The following RASA2 variants were observed in gnomAD, a reference collection of about 807,000 sequenced individuals.
RASA2 encodes the protein RAS p21 protein activator 2.
RASA2 carries 155 observed loss-of-function variants against 118.2 expected under a neutral mutation model. The ratio of observed to expected loss-of-function variants is 1.31; its 90% CI spans 1.15 to 1.50. The LOEUF (loss-of-function observed/expected upper bound fraction) is 1.50. RASA2 is among the 40% of genes most tolerant of loss of function. The probability of loss-of-function intolerance (pLI) is 0.00; values close to 1 mark genes in which losing one functional copy is unlikely to be tolerated. For missense variants in RASA2, 1,016 were observed against 1,009.6 expected, an observed-to-expected ratio of 1.01 and a Z score of -0.09; for synonymous variants, 353 against 349.1, an observed-to-expected ratio of 1.01 and a Z score of -0.12.
At chr3:141,611,748 A>G (rs1331033880) in intron 23 of RASA2, among the ~76,000 whole-genome samples, 1 of 152,146 alleles carries the variant, frequency 6.6e-6, no homozygotes, top group Non-Finnish European at 1.5e-5. Flanking sequence ...ACAAGTATAA[A>G]TATTTATATG....
Position 141,487,137 on chromosome 3 carries a change from G to T in RASA2, c.54G>T (p.Ala18=). 6.9e-7 allele frequency: 1 copy of T among 1,450,024 alleles called. No homozygotes were observed. The allele number at this position is 1,450,024 out of a possible 1,614,324, so 89.8% of individuals were successfully genotyped here. The change falls in exon 1 of 24, where the codon GCG becomes GCT. Residue 18 remains alanine (A), a synonymous_variant. Transcript: ENST00000286364. The part of the protein sequence containing the change: ...AAAASSEAPA[A]SATAEPEAGD... ...CGGCTTCTTCCGAGGCGCCAGCGGC[G>T]AGTGCGACTGCAGAGCCCGAGGCCG...
At position 141,586,775 on chromosome 3, in the gene RASA2, G is replaced by T. The variant is rs907714066; in HGVS notation, c.1933+23G>T. ...CAGGTAGTTGTGTTTATGCTTTATT[G>T]TGGGGTTTTTCCTGGTTCTCAGTGA... is the stretch of plus-strand genomic sequence containing the variant. On this transcript the variant is annotated intron_variant, in intron 19 of 23. Transcript: ENST00000286364. The T allele has an allele frequency of 7.0e-6, 11 of 1,574,210 alleles. No homozygotes were observed. In the South Asian group the frequency reaches 7.8e-5, roughly 11 times the overall value.
At chr3:141,560,375 A>G (rs2082713760) in intron 9 of RASA2, among the ~76,000 whole-genome samples, 2 of 152,170 alleles carry the variant, frequency 1.3e-5, no homozygotes, top group South Asian at 4.1e-4. Flanking sequence ...TGGGTATTTG[A>G]AAGCAAAGGA....
chr3:141,543,660 A>C (rs1034125160), intron 5 of RASA2, among the ~76,000 whole-genome samples: 3 of 152,006 alleles, frequency 2.0e-5, no homozygotes, highest in African/African-American at 7.2e-5. Context: ...TGTAAAAGAT[A>C]ATTATACTAG....
At chr3:141,493,127 T>A (rs1418406413) in intron 1 of RASA2, among the ~76,000 whole-genome samples, 1 of 152,214 alleles carries the variant, frequency 6.6e-6, no homozygotes, top group Non-Finnish European at 1.5e-5. Flanking sequence ...TCCACTATTA[T>A]CAAAGTTCTT....
At chr3:141,594,447 GC>G (rs554813043) in intron 19 of RASA2, among the ~76,000 whole-genome samples, 15 of 151,992 alleles carry the variant, frequency 9.9e-5, no homozygotes, top group Non-Finnish European at 1.9e-4. Context: ...TCAATGAACT[GC>G]AAGCATGATA....
chr3:141,580,886 C>T (rs570919662), intron 16 of RASA2, among the ~76,000 whole-genome samples: 1 of 151,430 alleles, frequency 6.6e-6, no homozygotes, highest in East Asian at 1.9e-4. Context: ...GACAAGAGAG[C>T]CTAGTAAGGA....
chr3:141,562,649 A>C (rs1297096377), intron 9 of RASA2, among the ~76,000 whole-genome samples: 2 of 134,260 alleles, frequency 1.5e-5, no homozygotes, highest in Non-Finnish European at 3.4e-5. Context: ...AACAACAACA[A>C]CACACAAAAA....
At chr3:141,599,247 T>TA (rs2083425280) in intron 19 of RASA2, among the ~76,000 whole-genome samples, 1 of 150,908 alleles carries the variant, frequency 6.6e-6, no homozygotes, top group East Asian at 1.9e-4. Flanking sequence ...TTGGGTTTTT[T>TA]TTTTTTTTTT....
chr3:141,559,931 GT>G lies in RASA2; in HGVS notation c.803del (p.Phe268SerfsTer2). The G allele has an allele frequency of 6.2e-7, 1 of 1,613,272 alleles. No individual in the cohort carries two copies. Among genetic ancestry groups the G allele is most frequent in the Non-Finnish European group, 8.5e-7 (1 of 1,179,454 alleles). ...GAACAATGGAAACCTAGTCCAAGAT[GT>G]TTTCCTAGGTGAGATTAAGGTTCCT... is the stretch of plus-strand genomic sequence containing the variant. ...LWNNGNLVQD[V>X]FLGEIKVPVN... On this transcript the variant is annotated frameshift_variant, in exon 9 of 24. Coordinates refer to ENST00000286364, the MANE Select transcript of RASA2 (RefSeq NM_006506.5). LOFTEE classifies it high-confidence loss of function.
chr3:141,487,164 G>A lies in RASA2; in HGVS notation c.81G>A (p.Gly27=). Residue 27 remains glycine, a synonymous_variant, in exon 1 of 24, where the codon GGG becomes GGA. Coordinates refer to ENST00000286364, the MANE Select transcript of RASA2 (RefSeq NM_006506.5). ...AASATAEPEA[G]DQDSREVRVL... is the part of the protein sequence containing the mutation. ...GTGCGACTGCAGAGCCCGAGGCCGGGGACCAGGACAGTCGCGAGGTTCGAG... is the reference window on the plus strand; with the variant it reads ...GTGCGACTGCAGAGCCCGAGGCCGGAGACCAGGACAGTCGCGAGGTTCGAG... 1 of 1,467,964 alleles carries A rather than the reference G, an allele frequency of 6.8e-7. No individual in the cohort carries two copies. Among genetic ancestry groups the A allele is most frequent in the Non-Finnish European group, 9.1e-7 (1 of 1,101,258 alleles). The allele number at this position is 1,467,964 out of a possible 1,614,324, so 90.9% of individuals were successfully genotyped here.
intron 4 of RASA2, among the ~76,000 whole-genome samples, chr3:141,538,159 T>C (rs2082355908): frequency 6.6e-6 from 1 of 151,824 alleles, no homozygotes; most frequent in South Asian, 2.1e-4. Flanking sequence ...TTCAAATCTA[T>C]TAAATGATTA....
chr3:141,576,843 T>C (rs1473124176), intron 14 of RASA2, among the ~76,000 whole-genome samples, 157 bp from the exon 15 acceptor site: 1 of 152,210 alleles, frequency 6.6e-6, no homozygotes, highest in African/African-American at 2.4e-5. Flanking sequence ...TTTCTTTTAA[T>C]TGAGTCATAA....
At chr3:141,565,122 A>G (rs2082798843) in intron 9 of RASA2, among the ~76,000 whole-genome samples, 1 of 152,134 alleles carries the variant, frequency 6.6e-6, no homozygotes, top group Admixed American at 6.5e-5. Flanking sequence ...AGTAGCTGGG[A>G]CTACAGGCCT....
chr3:141,508,028 A>G (rs1177528882), intron 1 of RASA2, among the ~76,000 whole-genome samples: 2 of 152,278 alleles, frequency 1.3e-5, no homozygotes, highest in African/African-American at 2.4e-5. Flanking sequence ...TAAACGGGCT[A>G]TAGATAAGTT....
intron 11 of RASA2, 33 bp downstream of exon 11, chr3:141,571,587 A>T (rs2082921163): frequency 1.9e-6 from 3 of 1,566,994 alleles, no homozygotes; most frequent in South Asian, 1.2e-5. Context: ...TGTTAATTAC[A>T]TGTTGTTGAA....
chr3:141,498,631 A>G (rs1033124066), intron 1 of RASA2, among the ~76,000 whole-genome samples: 1 of 151,970 alleles, frequency 6.6e-6, no homozygotes, highest in Non-Finnish European at 1.5e-5. Flanking sequence ...TAACTTCTTT[A>G]TGTGTCTAGG....
At chr3:141,511,125 G>T (rs1177552667) in intron 1 of RASA2, among the ~76,000 whole-genome samples, 1 of 152,132 alleles carries the variant, frequency 6.6e-6, no homozygotes, top group Non-Finnish European at 1.5e-5. Context: ...AAGAGACTGG[G>T]TATGGGAGTT....
chr3:141,575,202 T>G (rs149208802), intron 14 of RASA2, among the ~76,000 whole-genome samples: 105 of 152,266 alleles, frequency 6.9e-4, no homozygotes, highest in African/African-American at 2.5e-3. Flanking sequence ...GATTTTGCAG[T>G]TTTATGTTCT....
Sources: gnomAD v4.1 joint callset for allele counts (sites outside exome capture counted in the v4.1 genomes callset) on GRCh38, gnomAD v4.1.1 for gene constraint, MANE v1.5 for transcripts, NCBI Gene and HGNC (gene_info 2026-07-23, HGNC 2026-07-21) for gene names.